The following NEK1 variants were observed in gnomAD, a reference collection of about 807,000 sequenced individuals.
NEK1 encodes NIMA related kinase 1, also known as serine/threonine-protein kinase Nek1.
NEK1 carries 137 observed loss-of-function variants against 182.1 expected under a neutral mutation model. That is an observed-to-expected ratio of 0.75 (90% CI 0.65 to 0.87). The LOEUF is 0.87. NEK1 is among the 40% of genes least tolerant of loss of function. The pLI is 0.00. For synonymous variants in NEK1, 513 were observed against 492.2 expected (o/e 1.04, Z -0.56); for missense variants, 1,391 against 1,494.4 (o/e 0.93, Z 1.14).
At chr4:169,461,623 A>G (rs1411263076) in intron 27 of NEK1, among the ~76,000 whole-genome samples, 1 of 152,196 alleles carries the variant, frequency 6.6e-6, no homozygotes, top group African/African-American at 2.4e-5. Context: ...TTGGCTTAAA[A>G]TCCCAATACA....
chr4:169,607,973 A>T (rs962417305), intron 2 of NEK1, among the ~76,000 whole-genome samples: 1 of 152,088 alleles, frequency 6.6e-6, no homozygotes, highest in African/African-American at 2.4e-5. Flanking sequence ...GTGGGGGTGG[A>T]GAAAGAAATG....
intron 19 of NEK1, among the ~76,000 whole-genome samples, chr4:169,528,661 T>G (rs914397088): frequency 3.2e-4 from 49 of 152,056 alleles, no homozygotes; most frequent in Admixed American, 1.2e-3. Context: ...CTGACAGAAC[T>G]AAAAGGAGAA....
chr4:169,460,276 C>T (rs1017795388), intron 27 of NEK1, among the ~76,000 whole-genome samples: 10 of 151,232 alleles, frequency 6.6e-5, no homozygotes, highest in South Asian at 2.1e-4. Context: ...GCTGGGGAGG[C>T]GTCACGATCA....
chr4:169,579,841 G>A, intron 11 of NEK1, among the ~76,000 whole-genome samples: 1 of 150,748 alleles, frequency 6.6e-6, no homozygotes, highest in East Asian at 1.9e-4. Flanking sequence ...AGAACGCACT[G>A]TCATACCACT....
At chr4:169,428,351 G>GATATAT (rs60550267) in intron 29 of NEK1, among the ~76,000 whole-genome samples, 1,660 of 93,224 alleles carry the variant, frequency 0.018, 86 homozygotes, top group African/African-American at 0.05. Context: ...AAATATATGG[G>GATATAT]ATATATATAT....
At chr4:169,473,733 A>G (rs868063768) in intron 26 of NEK1, among the ~76,000 whole-genome samples, 54 of 150,956 alleles carry the variant, frequency 3.6e-4, no homozygotes, top group African/African-American at 4.4e-4. Context: ...AAAAATACGA[A>G]AGAGAGAGAG....
intron 23 of NEK1, among the ~76,000 whole-genome samples, chr4:169,502,116 C>T (rs1239287571): frequency 6.6e-6 from 1 of 151,856 alleles, no homozygotes; most frequent in African/African-American, 2.4e-5. Context: ...ATAAACATCC[C>T]CATGTGCACA....
rs572144816 is a variant in NEK1 at position 169,463,781 on chromosome 4, A to T, written c.2435-386T>A. On this transcript the variant is annotated intron_variant, in intron 26 of 35. Transcript: ENST00000507142. Reference sequence around the variant, plus strand: ...AACGAGAATCTTGTTGATGGGACCAAAGTCTAAACATGAAATTCATTTGTT... The same window carrying T: ...AACGAGAATCTTGTTGATGGGACCATAGTCTAAACATGAAATTCATTTGTT... Among the ~76,000 whole-genome samples the T allele has an allele frequency of 3.3e-5, 5 of 152,218 alleles. No homozygotes were observed. The East Asian group carries it at 5.8e-4, about 18-fold the overall frequency.
chr4:169,490,482 G>T (rs1010667295), intron 23 of NEK1, among the ~76,000 whole-genome samples: 5 of 151,938 alleles, frequency 3.3e-5, no homozygotes, highest in Non-Finnish European at 7.4e-5. Context: ...TGACCCCAAA[G>T]AAATGGAAAT....
At chr4:169,508,535 T>G (rs777199258) in intron 20 of NEK1, among the ~76,000 whole-genome samples, 1 of 152,192 alleles carries the variant, frequency 6.6e-6, no homozygotes, top group East Asian at 1.9e-4. Flanking sequence ...AGAAATACAT[T>G]ATAAAATTAC....
chr4:169,599,269 A>G, intron 4 of NEK1, 72 bp from the exon 5 acceptor site: 1 of 1,141,036 alleles, frequency 8.8e-7, no homozygotes, highest in East Asian at 2.4e-5. Flanking sequence ...AAAAGTACTT[A>G]AAAGCTTACT....
At chr4:169,604,786 TG>T (rs1560794842) in intron 2 of NEK1, among the ~76,000 whole-genome samples, 2 of 152,344 alleles carry the variant, frequency 1.3e-5, no homozygotes, top group East Asian at 3.9e-4. Context: ...CATGAAATTT[TG>T]TGAGAAAGAG....
chr4:169,565,393 AT>A (rs1394622587), intron 12 of NEK1, among the ~76,000 whole-genome samples: 1 of 152,194 alleles, frequency 6.6e-6, no homozygotes, highest in African/African-American at 2.4e-5. Context: ...CCACTAATGG[AT>A]AGCAACCCCT....
chr4:169,576,177 CT>C (rs1765661941), intron 12 of NEK1, among the ~76,000 whole-genome samples: 1 of 152,026 alleles, frequency 6.6e-6, no homozygotes, highest in East Asian at 1.9e-4. Flanking sequence ...GTTGGCCAGG[CT>C]GGTCTGGAAC....
rs569539235 is a variant in NEK1, at chr4:169,445,865, T to TATATAC, written c.2588-7607_2588-7606insGTATAT. On this transcript the variant is annotated intron_variant, in intron 27 of 35. Transcript: ENST00000507142. ...AACTATATACATATATATATATATA[T>TATATAC]ACACACACACACACACACACATGCA... is the stretch of plus-strand genomic sequence containing the variant. 2.8e-3 allele frequency among the ~76,000 whole-genome samples: 394 copies of TATATAC among 143,270 alleles called. 1 individual carries two copies. The highest frequency in any genetic ancestry group is 7.2e-3 in the Middle Eastern group (2 of 278). 94.0% of individuals were successfully genotyped at this position (143,270 alleles called of 152,430 possible).
At chr4:169,532,617 C>T (rs1419551154) in intron 19 of NEK1, among the ~76,000 whole-genome samples, 1 of 151,968 alleles carries the variant, frequency 6.6e-6, no homozygotes, top group African/African-American at 2.4e-5. Flanking sequence ...AATTTTGCCA[C>T]AAACCTAAAA....
chr4:169,590,792 T>G lies in NEK1; in HGVS notation c.330A>C (p.Val110=), dbSNP rs754138619. Residue 110 remains valine, a synonymous_variant, in exon 6 of 36, where the codon GTA becomes GTC. Coordinates refer to ENST00000507142, the MANE Select transcript of NEK1 (RefSeq NM_001199397.3). ...FQEDQILDWF[V]QICLALKHVH... ...CATGTTTCAGGGCCAAACATATCTG[T>G]ACAAACCAGTCCAAAATCTAGGAAG... 3.1e-6 allele frequency: 5 copies of G among 1,595,646 alleles called. No homozygotes were observed. The highest frequency in any genetic ancestry group is 4.3e-6 in the Non-Finnish European group (5 of 1,170,156).
At position 169,477,163 on chromosome 4, in the gene NEK1, C is replaced by G. The variant is rs764688202; in HGVS notation, c.2395G>C (p.Asp799His). Residue 799 changes from aspartate (D) to histidine (H), a missense_variant, in exon 26 of 36, where the codon GAT (aspartate) becomes CAT (histidine). Coordinates refer to ENST00000507142, the MANE Select transcript of NEK1 (RefSeq NM_001199397.3). Reference protein sequence around the residue: ...EAGGQLVIPLDELTLDTSFST... With the variant: ...EAGGQLVIPLHELTLDTSFST... ...AAGGATGTATCTAGTGTTAACTCAT[C>G]CAGAGGAATCACAAGTTGACCTCCT... The G allele has an allele frequency of 1.9e-6, 3 of 1,607,230 alleles. No homozygotes were observed. Among genetic ancestry groups the G allele is most frequent in the Non-Finnish European group, 2.6e-6 (3 of 1,176,466 alleles).
At chr4:169,462,011 T>C (rs1049362567) in intron 27 of NEK1, among the ~76,000 whole-genome samples, 4 of 152,152 alleles carry the variant, frequency 2.6e-5, no homozygotes, top group African/African-American at 9.7e-5. Flanking sequence ...GCCCAATTTT[T>C]ATGCGGTTTA....
Sources: gnomAD v4.1 joint callset for allele counts (sites outside exome capture counted in the v4.1 genomes callset) on GRCh38, gnomAD v4.1.1 for gene constraint, MANE v1.5 for transcripts, NCBI Gene and HGNC (gene_info 2026-07-23, HGNC 2026-07-21) for gene names.